The following CLSTN2 variants were observed in gnomAD, a reference collection of about 807,000 sequenced individuals.
The protein encoded by CLSTN2 is calsyntenin-2.
CLSTN2 carries 48 observed loss-of-function variants against 101.2 expected under a neutral mutation model. The observed-to-expected ratio is 0.47, with a 90% CI of 0.38 to 0.60. The LOEUF (loss-of-function observed/expected upper bound fraction) is 0.60, where lower values mean the gene tolerates loss of function less well. Ranked by LOEUF, CLSTN2 falls within the 20% of genes least tolerant of loss-of-function variation. The pLI is 0.00. For missense variants in CLSTN2, 1,160 were observed against 1,238.2 expected (o/e 0.94, Z 0.95); for synonymous variants, 481 against 463.6 (o/e 1.04, Z -0.48).
At chr3:140,556,223 GA>G in intron 10 of CLSTN2, among the ~76,000 whole-genome samples, 1 of 152,298 alleles carries the variant, frequency 6.6e-6, no homozygotes, top group African/African-American at 2.4e-5. Flanking sequence ...GCTGGGCTGT[GA>G]GAGCACCGTG....
At position 140,546,005 on chromosome 3, in the gene CLSTN2, C is replaced by A. The variant is rs138572275; in HGVS notation, c.1508-510C>A. ...TCAGTGGAATGTAGGGAAGCAAATG[C>A]GAGCTTTGAGGTCAGACAGACCAGA... On this transcript the variant is annotated intron_variant, in intron 9 of 16. Transcript: ENST00000458420. Among the ~76,000 whole-genome samples, 6 of 152,282 alleles carry A rather than the reference C, an allele frequency of 3.9e-5. No homozygotes were observed. In the South Asian group the frequency reaches 1.0e-3, roughly 26 times the overall value.
intron 2 of CLSTN2, among the ~76,000 whole-genome samples, chr3:140,266,798 T>G (rs2086697031): frequency 6.6e-6 from 1 of 152,190 alleles, no homozygotes; most frequent in Non-Finnish European, 1.5e-5. Flanking sequence ...AAGCCGTGGG[T>G]CCATTGGTTG....
chr3:140,531,768 C>G (rs938900511), intron 8 of CLSTN2, among the ~76,000 whole-genome samples: 1 of 152,160 alleles, frequency 6.6e-6, no homozygotes. Flanking sequence ...TTGTGACTCT[C>G]TTCTAGCCCC....
intron 1 of CLSTN2, among the ~76,000 whole-genome samples, chr3:140,134,871 C>T (rs938441448): frequency 7.9e-5 from 12 of 151,712 alleles, no homozygotes; most frequent in Non-Finnish European, 1.2e-4. Flanking sequence ...GCAACTACCC[C>T]CTAAATGATG....
intron 1 of CLSTN2, among the ~76,000 whole-genome samples, chr3:140,001,243 C>T (rs1398566772): frequency 2.0e-5 from 3 of 152,064 alleles, no homozygotes; most frequent in East Asian, 3.9e-4. Flanking sequence ...TCCCACAGAG[C>T]TCTTGTGCTC....
Position 140,563,954 on chromosome 3 carries a change from G to T in CLSTN2, c.2483-7G>T. On this transcript the variant is annotated splice_polypyrimidine_tract_variant and splice_region_variant and intron_variant, in intron 15 of 16. Coordinates refer to ENST00000458420, the MANE Select transcript of CLSTN2 (RefSeq NM_022131.3). The stretch of plus-strand genomic sequence containing the variant: ...ACCATGTCATGCGAGTTTTTTCCTT[G>T]TTCCAGTGGTCCCAAGCATTGCCAC... 1 of 1,612,160 alleles carries T rather than the reference G, an allele frequency of 6.2e-7. No homozygotes were observed.
chr3:140,240,112 C>T (rs549353815), intron 2 of CLSTN2, among the ~76,000 whole-genome samples: 1 of 135,046 alleles, frequency 7.4e-6, no homozygotes, highest in Non-Finnish European at 1.6e-5. Flanking sequence ...GGCCATAAAG[C>T]TATACCTTAA....
chr3:140,297,784 T>G (rs189544907), intron 2 of CLSTN2, among the ~76,000 whole-genome samples: 52 of 152,252 alleles, frequency 3.4e-4, no homozygotes, highest in Admixed American at 2.4e-3. Flanking sequence ...CAAATGACAT[T>G]TTCCTTAGCC....
intron 2 of CLSTN2, among the ~76,000 whole-genome samples, chr3:140,271,833 C>T (rs547186304): frequency 2.7e-4 from 41 of 152,320 alleles, no homozygotes; most frequent in Non-Finnish European, 4.9e-4. Context: ...GAAAGTCACA[C>T]GCTACATGTG....
intron 1 of CLSTN2, among the ~76,000 whole-genome samples, chr3:140,157,949 A>G (rs940000365): frequency 2.0e-5 from 3 of 152,254 alleles, no homozygotes; most frequent in Non-Finnish European, 2.9e-5. Context: ...AAAGCTTTCA[A>G]TAAAATCCAG....
intron 1 of CLSTN2, among the ~76,000 whole-genome samples, chr3:140,076,625 G>GTTGTTTTTTTTTTTT (rs2008495057): frequency 2.6e-5 from 1 of 38,062 alleles, no homozygotes. Flanking sequence ...CACCAGCAGT[G>GTTGTTTTTTTTTTTT]TTTTTTTTTT....
chr3:140,237,236 T>C (rs1178496350), intron 2 of CLSTN2, among the ~76,000 whole-genome samples: 1 of 152,196 alleles, frequency 6.6e-6, no homozygotes, highest in Non-Finnish European at 1.5e-5. Context: ...TCAGCTGTTC[T>C]GTTCTGTTTT....
At chr3:140,432,000 C>T (rs1174089718) in intron 5 of CLSTN2, among the ~76,000 whole-genome samples, 3 of 152,110 alleles carry the variant, frequency 2.0e-5, no homozygotes, top group East Asian at 3.8e-4. Context: ...CACCATCATG[C>T]AAAAGAAAAC....
intron 2 of CLSTN2, among the ~76,000 whole-genome samples, chr3:140,377,391 A>T (rs1238953093): frequency 6.6e-6 from 1 of 152,236 alleles, no homozygotes; most frequent in Non-Finnish European, 1.5e-5. Context: ...AAACAGCATC[A>T]GACAAGTCCT....
At chr3:140,254,967 A>G (rs1469270719) in intron 2 of CLSTN2, among the ~76,000 whole-genome samples, 1 of 152,212 alleles carries the variant, frequency 6.6e-6, no homozygotes, top group African/African-American at 2.4e-5. Context: ...AACAAAAAAC[A>G]ACCCCATTAC....
chr3:140,372,081 CT>C (rs1465049292), intron 2 of CLSTN2, among the ~76,000 whole-genome samples: 1 of 152,148 alleles, frequency 6.6e-6, no homozygotes, highest in African/African-American at 2.4e-5. Flanking sequence ...GATCCTAGAG[CT>C]GGGAGGGAGG....
intron 1 of CLSTN2, among the ~76,000 whole-genome samples, chr3:140,057,448 G>A (rs150884910): frequency 1.2e-4 from 18 of 152,268 alleles, no homozygotes; most frequent in South Asian, 6.2e-4. Flanking sequence ...CAGTAGCAAC[G>A]TTCTTCATTC....
intron 2 of CLSTN2, among the ~76,000 whole-genome samples, chr3:140,324,928 C>A (rs943379176): frequency 9.2e-5 from 14 of 152,078 alleles, no homozygotes; most frequent in African/African-American, 2.9e-4. Flanking sequence ...TCAGGGATTG[C>A]AAATGTAACA....
intron 8 of CLSTN2, among the ~76,000 whole-genome samples, chr3:140,468,079 C>T (rs568360570): frequency 6.6e-5 from 10 of 152,292 alleles, no homozygotes; most frequent in Admixed American, 3.9e-4. Flanking sequence ...TATGCTAATT[C>T]TAAAAATATG....
Sources: gnomAD v4.1 joint callset for allele counts (sites outside exome capture counted in the v4.1 genomes callset) on GRCh38, gnomAD v4.1.1 for gene constraint, MANE v1.5 for transcripts, NCBI Gene and HGNC (gene_info 2026-07-23, HGNC 2026-07-21) for gene names.